The following SUCNR1 variants were observed in gnomAD, a reference collection of about 807,000 sequenced individuals.
The protein encoded by SUCNR1 is G-protein coupled receptor 91.
In SUCNR1, 5 loss-of-function variants were observed where a neutral mutation model predicts 2.4. The ratio of observed to expected loss-of-function variants is 2.07; its 90% CI spans 1.08 to 4.36. SUCNR1 has a LOEUF of 4.36. SUCNR1 is among the 30% of genes most tolerant of loss of function. The pLI, the probability that SUCNR1 is intolerant of heterozygous loss-of-function variation, is 0.00. For synonymous variants in SUCNR1, 162 were observed against 143.9 expected, an observed-to-expected ratio of 1.13 and a Z score of -0.90; for missense variants, 373 against 399.2, an observed-to-expected ratio of 0.93 and a Z score of 0.56.
chr3:151,877,260 AT>A (rs1717951257), intron 1 of SUCNR1, among the ~76,000 whole-genome samples: 1 of 152,176 alleles, frequency 6.6e-6, no homozygotes, highest in Non-Finnish European at 1.5e-5. Context: ...GGGCCAGATC[AT>A]GCAGACCTTG....
rs1469874566 is a variant in SUCNR1, at chr3:151,883,566, C to T, written c.*2018C>T. 1 of 146,600 alleles carries T rather than the reference C, an allele frequency of 6.8e-6. No homozygotes were observed. Among genetic ancestry groups the T allele is most frequent in the Non-Finnish European group, 1.5e-5 (1 of 66,926 alleles). The allele number at this position is 146,600 out of a possible 1,614,324, so 9.1% of individuals were successfully genotyped here. ...CACATTTTAAAATTATTTTCTTCCT[C>T]AAATCTATCATGTGGTAACTTAATC... On this transcript the variant is annotated 3_prime_UTR_variant, in exon 3 of 3. Coordinates refer to ENST00000362032, the MANE Select transcript of SUCNR1 (RefSeq NM_033050.6).
In SUCNR1 at chr3:151,880,478, T is replaced by G. The variant is rs971575379; in HGVS notation, c.16-81T>G. Reference sequence around the variant, plus strand: ...CTATAGTTCACCATTCAAGTGTTTTTCATTATTATTATGTTCTGCACAGTT... The same window carrying G: ...CTATAGTTCACCATTCAAGTGTTTTGCATTATTATTATGTTCTGCACAGTT... On this transcript the variant is annotated intron_variant, in intron 2 of 2. Transcript: ENST00000362032. 3 of 1,049,740 alleles carry G rather than the reference T, an allele frequency of 2.9e-6. No individual in the cohort carries two copies. The African/African-American group carries it at 4.8e-5, about 17-fold the overall frequency. The allele number at this position is 1,049,740 out of a possible 1,614,324, so 65.0% of individuals were successfully genotyped here.
In SUCNR1 at chr3:151,880,550, C is replaced by A. The variant is rs943473062; in HGVS notation, c.16-9C>A. On this transcript the variant is annotated splice_polypyrimidine_tract_variant and intron_variant, in intron 2 of 2. Coordinates refer to ENST00000362032, the MANE Select transcript of SUCNR1 (RefSeq NM_033050.6). ...TGTTTAATCCTTATATTTTCTCTCT[C>A]TTCTTTAGGCATGGAATGCAACTTG... 1 of 1,584,526 alleles carries A rather than the reference C, an allele frequency of 6.3e-7. No homozygotes were observed. The highest frequency in any genetic ancestry group is 1.2e-5 in the South Asian group (1 of 85,976).
At chr3:151,876,965 T>C (rs971520204) in intron 1 of SUCNR1, among the ~76,000 whole-genome samples, 2 of 152,174 alleles carry the variant, frequency 1.3e-5, no homozygotes, top group Non-Finnish European at 2.9e-5. Context: ...TACAAAATTC[T>C]AAGAAGTTTA....
At position 151,881,795 on chromosome 3, in the gene SUCNR1, T is replaced by G; in HGVS notation, c.*247T>G. ...AAATACTAGGTAGTATAAGGCTTTC[T>G]CAATCAGTGCAAAAATGGAAGATAT... On this transcript the variant is annotated 3_prime_UTR_variant, in exon 3 of 3. Coordinates refer to ENST00000362032, the MANE Select transcript of SUCNR1 (RefSeq NM_033050.6). The G allele has an allele frequency of 2.7e-6, 1 of 369,670 alleles. No homozygotes were observed. The highest frequency in any genetic ancestry group is 4.9e-6 in the Non-Finnish European group (1 of 205,314). 22.9% of individuals were successfully genotyped at this position (369,670 alleles called of 1,614,324 possible).
chr3:151,880,557 A>C lies in SUCNR1; in HGVS notation c.16-2A>C. 5 of 1,591,964 alleles carry C rather than the reference A, an allele frequency of 3.1e-6. No homozygotes were observed. Among genetic ancestry groups the C allele is most frequent in the Non-Finnish European group, 4.3e-6 (5 of 1,169,924 alleles). On this transcript the variant is annotated splice_acceptor_variant, in intron 2 of 2. Coordinates refer to ENST00000362032, the MANE Select transcript of SUCNR1 (RefSeq NM_033050.6). LOFTEE classifies it high-confidence loss of function. ...TCCTTATATTTTCTCTCTCTTCTTT[A>C]GGCATGGAATGCAACTTGCAAAAAC...
In SUCNR1 at chr3:151,874,107, C is replaced by T. The variant is rs60058496; in HGVS notation, c.-42+401C>T. Among the ~76,000 whole-genome samples, 1,074 of 110,766 alleles carry T rather than the reference C, an allele frequency of 9.7e-3. 22 individuals are homozygous for T. The highest frequency in any genetic ancestry group is 0.045 in the African/African-American group (1,018 of 22,426). The allele number at this position is 110,766 out of a possible 152,430, so 72.7% of individuals were successfully genotyped here. ...ATACACACACACACACACACACACA[C>T]ACACACACATATACATACATATATA... is the stretch of plus-strand genomic sequence containing the variant. On this transcript the variant is annotated intron_variant, in intron 1 of 2. Coordinates refer to ENST00000362032, the MANE Select transcript of SUCNR1 (RefSeq NM_033050.6).
At position 151,879,960 on chromosome 3, in the gene SUCNR1, T is replaced by C. The variant is rs1358218008; in HGVS notation, c.15+53T>C. The C allele has an allele frequency of 2.8e-6, 4 of 1,413,626 alleles. No individual in the cohort carries two copies. In the African/African-American group the frequency reaches 5.8e-5, roughly 20 times the overall value. The allele number at this position is 1,413,626 out of a possible 1,614,324, so 87.6% of individuals were successfully genotyped here. A position where few individuals can be genotyped will look rare whatever the true frequency, so the allele number is the denominator to read the frequency against. On this transcript the variant is annotated intron_variant, in intron 2 of 2. Coordinates refer to ENST00000362032, the MANE Select transcript of SUCNR1 (RefSeq NM_033050.6). Reference sequence around the variant, plus strand: ...CAAAATCTTCTCTTCAATTATTTTATCATACGTTCCCTTTGTTTCTTTGCT... The same window carrying C: ...CAAAATCTTCTCTTCAATTATTTTACCATACGTTCCCTTTGTTTCTTTGCT...
At position 151,882,529 on chromosome 3, in the gene SUCNR1, T is replaced by C. The variant is rs558575126; in HGVS notation, c.*981T>C. ...GATTCATTGGGATAGTTTTCCCTTTTGGAGGGAAAGTCACAATTTTTCTCC... is the reference window on the plus strand; with the variant it reads ...GATTCATTGGGATAGTTTTCCCTTTCGGAGGGAAAGTCACAATTTTTCTCC... On this transcript the variant is annotated 3_prime_UTR_variant, in exon 3 of 3. Coordinates refer to ENST00000362032, the MANE Select transcript of SUCNR1 (RefSeq NM_033050.6). 13 of 152,286 alleles carry C rather than the reference T, an allele frequency of 8.5e-5. No homozygotes were observed. In the East Asian group the frequency reaches 2.5e-3, roughly 29 times the overall value. 9.4% of individuals were successfully genotyped at this position (152,286 alleles called of 1,614,324 possible).
rs934657037 is a variant in SUCNR1 at position 151,881,700 on chromosome 3, G to T, written c.*152G>T. ...GTATGTGAAAAGAATGGGACGACAA[G>T]AATGTACTGGTTTCTTCCTCTAAGA... On this transcript the variant is annotated 3_prime_UTR_variant, in exon 3 of 3. Coordinates refer to ENST00000362032, the MANE Select transcript of SUCNR1 (RefSeq NM_033050.6). 2.9e-6 allele frequency: 2 copies of T among 694,628 alleles called. No individual in the cohort carries two copies. Among genetic ancestry groups the T allele is most frequent in the Admixed American group, 6.4e-5 (2 of 31,398 alleles). 43.0% of individuals were successfully genotyped at this position (694,628 alleles called of 1,614,324 possible).
At chr3:151,876,896 T>C (rs958577362) in intron 1 of SUCNR1, among the ~76,000 whole-genome samples, 14 of 152,176 alleles carry the variant, frequency 9.2e-5, no homozygotes, top group African/African-American at 2.7e-4. Flanking sequence ...ATAGATCACC[T>C]ACTATCTGCT....
intron 1 of SUCNR1, among the ~76,000 whole-genome samples, chr3:151,874,138 ATATATATATTT>A (rs1559855920): frequency 2.1e-4 from 16 of 76,286 alleles, no homozygotes; most frequent in African/African-American, 7.6e-4. Context: ...ATATATATAT[ATATATATATTT>A]TTTTTTTTTT....
In SUCNR1 at chr3:151,883,065, G is replaced by A. The variant is rs1387561964; in HGVS notation, c.*1517G>A. On this transcript the variant is annotated 3_prime_UTR_variant, in exon 3 of 3. Transcript: ENST00000362032. ...CCAATTTTCCCAGTTGATATCTCTA[G>A]ACTTCAAGCAACTGAAATATTATAA... The A allele has an allele frequency of 2.0e-5, 3 of 151,960 alleles. No homozygotes were observed. Among genetic ancestry groups the A allele is most frequent in the Non-Finnish European group, 4.4e-5 (3 of 67,940 alleles). 9.4% of individuals were successfully genotyped at this position (151,960 alleles called of 1,614,324 possible). A position where few individuals can be genotyped will look rare whatever the true frequency, so the allele number is the denominator to read the frequency against.
chr3:151,879,555 C>T (rs1718023881), intron 1 of SUCNR1, among the ~76,000 whole-genome samples: 1 of 152,168 alleles, frequency 6.6e-6, no homozygotes, highest in Admixed American at 6.6e-5. Flanking sequence ...GACACCAAAT[C>T]TGCTGATACC....
chr3:151,876,831 A>G (rs1520214), intron 1 of SUCNR1, among the ~76,000 whole-genome samples: 14,553 of 152,170 alleles, frequency 0.096, 1,738 homozygotes, highest in African/African-American at 0.28. Flanking sequence ...TATTTATAAA[A>G]ATGCTTTGTA....
At chr3:151,874,151 T>A (rs1195225262) in intron 1 of SUCNR1, among the ~76,000 whole-genome samples, 40 of 59,786 alleles carry the variant, frequency 6.7e-4, no homozygotes, top group African/African-American at 2.1e-3. Flanking sequence ...TATATATTTT[T>A]TTTTTTTTTT....
rs57096358 is a variant in SUCNR1 at position 151,883,465 on chromosome 3, CATATATATATATATATATATATATATAT to C, written c.*1930_*1957del. On this transcript the variant is annotated 3_prime_UTR_variant, in exon 3 of 3. Coordinates refer to ENST00000362032, the MANE Select transcript of SUCNR1 (RefSeq NM_033050.6). ...AATATTTTTTCAAACCATAAACTCA[CATATATATATATATATATATATATATAT>C]ATATATATATATGTACCTTGTAAAC... 1.5e-4 allele frequency: 12 copies of C among 80,406 alleles called. No homozygotes were observed. Among genetic ancestry groups the C allele is most frequent in the South Asian group, 5.1e-4 (1 of 1,976 alleles). 5.0% of individuals were successfully genotyped at this position (80,406 alleles called of 1,614,324 possible).
At chr3:151,880,041 C>A in intron 2 of SUCNR1, 134 bp downstream of exon 2, 1 of 511,058 alleles carries the variant, frequency 2.0e-6, no homozygotes, top group South Asian at 4.7e-5. Context: ...TGTGCTCTTT[C>A]TTATGCCTGG....
In SUCNR1 at chr3:151,883,444, T is replaced by G. The variant is rs1205397222; in HGVS notation, c.*1896T>G. ...CTCTTTCTAATAGTGCAGTGAAATA[T>G]TTTTTCAAACCATAAACTCACATAT... On this transcript the variant is annotated 3_prime_UTR_variant, in exon 3 of 3. Coordinates refer to ENST00000362032, the MANE Select transcript of SUCNR1 (RefSeq NM_033050.6). 7.2e-6 allele frequency: 1 copy of G among 139,682 alleles called. No homozygotes were observed. The highest frequency in any genetic ancestry group is 2.6e-5 in the African/African-American group (1 of 38,428). 8.7% of individuals were successfully genotyped at this position (139,682 alleles called of 1,614,324 possible).
Sources: gnomAD v4.1 joint callset for allele counts (sites outside exome capture counted in the v4.1 genomes callset) on GRCh38, gnomAD v4.1.1 for gene constraint, MANE v1.5 for transcripts, NCBI Gene and HGNC (gene_info 2026-07-23, HGNC 2026-07-21) for gene names.